Variants in NPFFR2 observed in about 807,000 individuals in gnomAD.
NPFFR2 encodes the protein neuropeptide FF receptor 2.
NPFFR2 carries 15 observed loss-of-function variants against 13.1 expected under a neutral mutation model. The observed-to-expected ratio is 1.15, with a 90% CI of 0.77 to 1.76. The LOEUF (loss-of-function observed/expected upper bound fraction) is 1.76, where lower values mean the gene tolerates loss of function less well. NPFFR2 is among the 40% of genes most tolerant of loss of function. NPFFR2 has a pLI of 0.00. For missense variants in NPFFR2, 572 were observed against 503.5 expected (o/e 1.14, Z -1.30); for synonymous variants, 190 against 175.7 (o/e 1.08, Z -0.65).
At chr4:72,143,152 G>T (rs1029234478) in intron 3 of NPFFR2, among the ~76,000 whole-genome samples, 2 of 152,178 alleles carry the variant, frequency 1.3e-5, no homozygotes, top group Non-Finnish European at 2.9e-5. Flanking sequence ...CTTGTTCAGA[G>T]AAATGTAGAG....
intron 1 of NPFFR2, among the ~76,000 whole-genome samples, chr4:72,092,673 T>A (rs1720949450): frequency 6.6e-6 from 1 of 150,730 alleles, no homozygotes; most frequent in Admixed American, 6.7e-5. Flanking sequence ...CTCATTTTGG[T>A]GTTCATTTAC....
At chr4:72,093,843 C>G (rs925760747) in intron 1 of NPFFR2, among the ~76,000 whole-genome samples, 1 of 133,710 alleles carries the variant, frequency 7.5e-6, no homozygotes, top group Admixed American at 7.9e-5. Flanking sequence ...TTTGTTAATT[C>G]AGAGAGTTCA....
intron 1 of NPFFR2, among the ~76,000 whole-genome samples, chr4:72,092,858 A>G (rs1720953578): frequency 6.6e-6 from 1 of 152,166 alleles, no homozygotes; most frequent in African/African-American, 2.4e-5. Flanking sequence ...TTGAAATGTG[A>G]GACTCTAGTC....
At chr4:72,125,305 G>T (rs1312802741) in intron 1 of NPFFR2, among the ~76,000 whole-genome samples, 7 of 152,176 alleles carry the variant, frequency 4.6e-5, no homozygotes, top group African/African-American at 1.7e-4. Context: ...GTGGAGAAAA[G>T]GGAATGCTTT....
At chr4:72,036,926 GGA>G (rs1332446054) in intron 1 of NPFFR2, among the ~76,000 whole-genome samples, 1 of 152,036 alleles carries the variant, frequency 6.6e-6, no homozygotes, top group Non-Finnish European at 1.5e-5. Context: ...TCATATCTTG[GGA>G]GAGTTTGCGA....
chr4:72,148,009 G>T lies in NPFFR2; in HGVS notation c.*197G>T, dbSNP rs766756930. ...ACAATCTTATGTTGTATAAAAATACGTAGAGTGACTTAGACATGTTTGCAT... is the reference window on the plus strand; with the variant it reads ...ACAATCTTATGTTGTATAAAAATACTTAGAGTGACTTAGACATGTTTGCAT... On this transcript the variant is annotated 3_prime_UTR_variant, in exon 4 of 4. Transcript: ENST00000308744. 4 of 492,524 alleles carry T rather than the reference G, an allele frequency of 8.1e-6. No individual in the cohort carries two copies. The highest frequency in any genetic ancestry group is 3.5e-5 in the South Asian group (1 of 28,506). The allele number at this position is 492,524 out of a possible 1,614,324, so 30.5% of individuals were successfully genotyped here.
At chr4:72,104,148 C>A (rs1721345576) in intron 1 of NPFFR2, among the ~76,000 whole-genome samples, 1 of 152,044 alleles carries the variant, frequency 6.6e-6, no homozygotes, top group Non-Finnish European at 1.5e-5. Context: ...CATGTGATCC[C>A]TCAGCCATAT....
At chr4:72,057,710 G>C (rs1719793620) in intron 1 of NPFFR2, among the ~76,000 whole-genome samples, 1 of 151,960 alleles carries the variant, frequency 6.6e-6, no homozygotes, top group South Asian at 2.1e-4. Context: ...ATGCACAACA[G>C]TGAAAATAGG....
intron 1 of NPFFR2, among the ~76,000 whole-genome samples, chr4:72,117,837 A>G (rs1343570902): frequency 1.3e-5 from 2 of 152,222 alleles, no homozygotes; most frequent in Non-Finnish European, 2.9e-5. Flanking sequence ...AACTTTCTGA[A>G]GGAATGATGT....
chr4:72,107,099 T>C (rs1231590965), intron 1 of NPFFR2, among the ~76,000 whole-genome samples: 2 of 151,800 alleles, frequency 1.3e-5, no homozygotes, highest in African/African-American at 4.8e-5. Context: ...TGTTCCTGCC[T>C]CATCACTTAT....
chr4:72,131,023 C>T (rs749780972), intron 2 of NPFFR2, among the ~76,000 whole-genome samples: 43 of 152,022 alleles, frequency 2.8e-4, no homozygotes, highest in Non-Finnish European at 5.6e-4. Context: ...GAACTCCTCT[C>T]CAACCATAGT....
chr4:72,140,532 A>G (rs533246687), intron 3 of NPFFR2, among the ~76,000 whole-genome samples: 1 of 152,092 alleles, frequency 6.6e-6, no homozygotes, highest in Non-Finnish European at 1.5e-5. Context: ...GGTGTTTGTC[A>G]TTGGTTCTGT....
chr4:72,070,542 CGTGT>C (rs71655705), intron 1 of NPFFR2, among the ~76,000 whole-genome samples: 16 of 12,784 alleles, frequency 1.3e-3, no homozygotes, highest in South Asian at 3.5e-3. Flanking sequence ...ATGGAAGTAT[CGTGT>C]GTGTGTGTGT....
Position 72,147,179 on chromosome 4 carries a change from G to A in NPFFR2, c.630G>A (p.Trp210Ter). ...CAGTCTACTGGTGCCGGGAAGACTG[G>A]CCAAATCAGGAAATGAGGAAGATCT... ...TSPVYWCRED[W>*]PNQEMRKIYT... Residue 210 changes from tryptophan to a stop codon, truncating the protein, a stop_gained, in exon 4 of 4, where the codon TGG becomes TGA. Coordinates refer to ENST00000308744, the MANE Select transcript of NPFFR2 (RefSeq NM_004885.3). LOFTEE classifies it low-confidence loss of function (END_TRUNC). The A allele has an allele frequency of 1.9e-6, 3 of 1,574,396 alleles. No homozygotes were observed. Among genetic ancestry groups the A allele is most frequent in the Non-Finnish European group, 2.6e-6 (3 of 1,162,142 alleles).
chr4:72,095,018 A>G (rs937957224), intron 1 of NPFFR2, among the ~76,000 whole-genome samples: 3 of 152,220 alleles, frequency 2.0e-5, no homozygotes, highest in African/African-American at 4.8e-5. Context: ...TTGTACAAAA[A>G]TGACTAAAAA....
chr4:72,145,820 CAT>C, intron 3 of NPFFR2, among the ~76,000 whole-genome samples: 1 of 151,916 alleles, frequency 6.6e-6, no homozygotes, highest in South Asian at 2.1e-4. Flanking sequence ...TTTATGGAGT[CAT>C]AAAAATCAAA....
chr4:72,115,815 C>T (rs1046734664), intron 1 of NPFFR2, among the ~76,000 whole-genome samples: 2 of 152,004 alleles, frequency 1.3e-5, no homozygotes, highest in Non-Finnish European at 1.5e-5. Flanking sequence ...TATTAATAGT[C>T]TTCACTATTT....
chr4:72,123,042 A>G (rs1036921524), intron 1 of NPFFR2, among the ~76,000 whole-genome samples: 2 of 152,190 alleles, frequency 1.3e-5, no homozygotes, highest in South Asian at 4.1e-4. Context: ...GAAGAATCAA[A>G]TAGACACAAT....
At chr4:72,033,265 A>G (rs1718971210) in intron 1 of NPFFR2, among the ~76,000 whole-genome samples, 2 of 152,244 alleles carry the variant, frequency 1.3e-5, no homozygotes, top group Admixed American at 6.5e-5. Context: ...GCTCAAAAAT[A>G]GTGCCATTAT....
Sources: allele counts gnomAD v4.1 joint callset (sites outside exome capture counted in the v4.1 genomes callset), GRCh38; gene constraint gnomAD v4.1.1; transcripts MANE v1.5; gene names NCBI Gene and HGNC (gene_info 2026-07-23, HGNC 2026-07-21).